Variants in NDUFS7 observed in about 807,000 individuals in gnomAD.
NDUFS7 encodes the protein NADH:ubiquinone oxidoreductase core subunit S7.
NDUFS7 carries 11 observed loss-of-function variants against 31.1 expected under a neutral mutation model. The observed-to-expected ratio is 0.35, with a 90% CI of 0.22 to 0.59. NDUFS7 has a LOEUF of 0.59. Ranked by LOEUF, NDUFS7 falls within the 20% of genes least tolerant of loss-of-function variation. NDUFS7 has a pLI of 0.79. For synonymous variants in NDUFS7, 136 were observed against 127.9 expected, an observed-to-expected ratio of 1.06 and a Z score of -0.43; for missense variants, 263 against 324.2, an observed-to-expected ratio of 0.81 and a Z score of 1.45.
At chr19:1,387,922 G>GGGGGGGCGCCTTGTTGAAGGTCACGT in intron 2 of NDUFS7, 75 bp downstream of exon 2, 1 of 423,238 alleles carries the variant, frequency 2.4e-6, no homozygotes. Context: ...GGGGGGGGTG[G>GGGGGGGCGCCTTGTTGAAGGTCACGT]GGGGTGGGGG....
At chr19:1,394,315 A>G in intron 7 of NDUFS7, 1 of 1,267,252 alleles carries the variant, frequency 7.9e-7, no homozygotes. Context: ...AGAGAGGTCC[A>G]TCCTGGGGTC....
chr19:1,389,169 GCA>G (rs746494254), intron 4 of NDUFS7: 374 of 693,668 alleles, frequency 5.4e-4, no homozygotes, highest in Middle Eastern at 1.5e-3. Flanking sequence ...ATGCACACTT[GCA>G]CACACATGCA....
intron 1 of NDUFS7, among the ~76,000 whole-genome samples, chr19:1,385,938 C>T (rs1043632728): frequency 6.6e-6 from 1 of 152,224 alleles, no homozygotes; most frequent in Non-Finnish European, 1.5e-5. Context: ...GCATTTTCAG[C>T]TTGGGAAACT....
At position 1,391,046 on chromosome 19, in the gene NDUFS7, G is replaced by A; in HGVS notation, c.404G>A (p.Arg135His). ...ACCAACAAGATGGCCCCAGCGCTTC[G>A]CAAGGTAGGCCTCGTCCCAGCCGCC... ...TLTNKMAPAL[R>H]KVYDQMPEPR... Residue 135 changes from arginine to histidine, a missense_variant, in exon 5 of 8, where the codon CGC (arginine) becomes CAC (histidine). Physicochemically the swap from Arg to His is conservative, Grantham distance 29 (BLOSUM62 0). Coordinates refer to ENST00000233627, the MANE Select transcript of NDUFS7 (RefSeq NM_024407.5). 6.2e-7 allele frequency: 1 copy of A among 1,613,270 alleles called. No individual in the cohort carries two copies. Among genetic ancestry groups the A allele is most frequent in the Non-Finnish European group, 8.5e-7 (1 of 1,179,878 alleles).
rs144570086 is a variant in NDUFS7, at chr19:1,395,407, C to G, written c.561C>G (p.Ala187=). Residue 187 remains alanine (A), a synonymous_variant, in exon 8 of 8, where the codon GCC becomes GCG. Coordinates refer to ENST00000233627, the MANE Select transcript of NDUFS7 (RefSeq NM_024407.5). Reference sequence around the variant, plus strand: ...TCCCTGCAGGCTGCCCACCTACGGCCGAGGCCCTGCTCTACGGCATCCTGC... The same window carrying G: ...TCCCTGCAGGCTGCCCACCTACGGCGGAGGCCCTGCTCTACGGCATCCTGC... ...DIYIPGCPPT[A]EALLYGILQL... is the part of the protein sequence containing the mutation. 7 of 1,601,310 alleles carry G rather than the reference C, an allele frequency of 4.4e-6. No individual in the cohort carries two copies. In the East Asian group the frequency reaches 1.1e-4, roughly 26 times the overall value.
Position 1,393,526 on chromosome 19 carries a change from C to T in NDUFS7, c.544+196C>T. The T allele has an allele frequency of 1.5e-6, 1 of 676,666 alleles. No homozygotes were observed. Among genetic ancestry groups the T allele is most frequent in the Non-Finnish European group, 2.7e-6 (1 of 369,290 alleles). The allele number at this position is 676,666 out of a possible 1,614,324, so 41.9% of individuals were successfully genotyped here. On this transcript the variant is annotated intron_variant, in intron 7 of 7. Coordinates refer to ENST00000233627, the MANE Select transcript of NDUFS7 (RefSeq NM_024407.5). This position sits in a 1 kb window ranked among gnomAD's most constrained non-coding sequence, Gnocchi z 7.3. Reference sequence around the variant, plus strand: ...AGAAGTCGGCGATGTATTCAGGCATCAGAGGGATCAGAGGGAGCAGGGGAA... The same window carrying T: ...AGAAGTCGGCGATGTATTCAGGCATTAGAGGGATCAGAGGGAGCAGGGGAA...
intron 7 of NDUFS7, chr19:1,394,107 C>G (rs1404861501): frequency 8.9e-6 from 3 of 337,792 alleles, no homozygotes; most frequent in African/African-American, 6.5e-5. Flanking sequence ...GCAGAGAGCC[C>G]AGCCCTGAGT....
At chr19:1,385,807 G>A (rs2082503965) in intron 1 of NDUFS7, among the ~76,000 whole-genome samples, 1 of 152,240 alleles carries the variant, frequency 6.6e-6, no homozygotes, top group East Asian at 1.9e-4. Flanking sequence ...TGACAAGAGC[G>A]AAACTCCGTC....
intron 2 of NDUFS7, 153 bp from the exon 3 acceptor site, chr19:1,388,372 C>G (rs2082523713): frequency 1.4e-6 from 1 of 726,090 alleles, no homozygotes; most frequent in African/African-American, 1.7e-5. Context: ...GGCCGCATGG[C>G]TCCAGCGGCT....
At chr19:1,394,531 C>T (rs113987381) in intron 7 of NDUFS7, 11 of 1,248,430 alleles carry the variant, frequency 8.8e-6, no homozygotes, top group South Asian at 4.0e-5. Context: ...TCCCTCCCTG[C>T]GGACCGCGCT....
intron 3 of NDUFS7, 46 bp downstream of exon 3, chr19:1,388,639 C>T (rs1348146508): frequency 1.3e-6 from 2 of 1,578,530 alleles, no homozygotes; most frequent in African/African-American, 1.4e-5. Context: ...CGCCCCACCC[C>T]CATCCCTTCC....
intron 1 of NDUFS7, among the ~76,000 whole-genome samples, chr19:1,384,658 T>C (rs1195000403): frequency 6.6e-6 from 1 of 152,158 alleles, no homozygotes; most frequent in African/African-American, 2.4e-5. Context: ...TAATTGCGAC[T>C]GTGATTTGGA....
intron 6 of NDUFS7, 140 bp downstream of exon 6, chr19:1,391,305 G>A (rs1216361225): frequency 1.2e-5 from 13 of 1,098,910 alleles, no homozygotes; most frequent in African/African-American, 1.6e-5. Context: ...CAGCCGTCTC[G>A]GTGCCTCCAC....
At chr19:1,389,240 T>C (rs549904535) in intron 4 of NDUFS7, 9 of 656,344 alleles carry the variant, frequency 1.4e-5, no homozygotes, top group Middle Eastern at 5.8e-4. Context: ...CTTGCACTCA[T>C]GCACACTCAT....
chr19:1,388,392 G>A, intron 2 of NDUFS7, 133 bp from the exon 3 acceptor site: 1 of 836,374 alleles, frequency 1.2e-6, no homozygotes, highest in Admixed American at 2.0e-5. Flanking sequence ...TCTGGCCAGT[G>A]GCCCAAGTGT....
At chr19:1,390,296 C>T (rs1341517257) in intron 4 of NDUFS7, 1 of 165,768 alleles carries the variant, frequency 6.0e-6, no homozygotes, top group Admixed American at 5.7e-5. Context: ...CCATTTCTGC[C>T]CGGGCAGCCC....
chr19:1,390,911 C>T lies in NDUFS7; in HGVS notation c.269C>T (p.Ala90Val), dbSNP rs1226932595. ...ATGACCTTCGGCCTGGCCTGCTGCG[C>T]CGTGGAGATGATGCACATGGCAGCA... ...WPMTFGLACC[A>V]VEMMHMAAPR... The change falls in exon 5 of 8, where the codon GCC becomes GTC. Residue 90 changes from alanine (A) to valine (V), a missense_variant. Physicochemically the swap from Ala to Val is moderately conservative, Grantham distance 64. Coordinates refer to ENST00000233627, the MANE Select transcript of NDUFS7 (RefSeq NM_024407.5). 6.2e-7 allele frequency: 1 copy of T among 1,611,644 alleles called. No individual in the cohort carries two copies.
intron 1 of NDUFS7, 132 bp from the exon 2 acceptor site, chr19:1,387,679 G>A (rs532410412): frequency 2.0e-5 from 16 of 795,006 alleles, no homozygotes; most frequent in Middle Eastern, 2.2e-4. Flanking sequence ...GTTACCTAAC[G>A]TTTGTTAAGT....
rs763774100 is a variant in NDUFS7, at chr19:1,390,975, C to T, written c.333C>T (p.Arg111=). 9.3e-6 allele frequency: 15 copies of T among 1,612,518 alleles called. No homozygotes were observed. The highest frequency in any genetic ancestry group is 5.3e-5 in the African/African-American group (4 of 74,906). Residue 111 remains arginine, a synonymous_variant, in exon 5 of 8, where the codon CGC becomes CGT. Transcript: ENST00000233627. ...YDMDRFGVVF[R]ASPRQSDVMI... ...TGGACCGCTTTGGCGTGGTCTTCCGCGCCAGCCCGCGCCAGTCCGACGTCA... is the reference window on the plus strand; with the variant it reads ...TGGACCGCTTTGGCGTGGTCTTCCGTGCCAGCCCGCGCCAGTCCGACGTCA...
Sources: gnomAD v4.1 joint callset for allele counts (sites outside exome capture counted in the v4.1 genomes callset) on GRCh38, gnomAD v4.1.1 for gene constraint, Gnocchi (gnomAD v3.1) non-coding constraint, MANE v1.5 for transcripts, NCBI Gene and HGNC (gene_info 2026-07-23, HGNC 2026-07-21) for gene names.